The following BRDT variants were observed in gnomAD, a reference collection of about 807,000 sequenced individuals.
BRDT encodes bromodomain testis associated.
A neutral mutation model predicts 113.9 loss-of-function variants in BRDT; 77 were observed. That is an observed-to-expected ratio of 0.68 (90% CI 0.56 to 0.82). The LOEUF (loss-of-function observed/expected upper bound fraction) is 0.82. Ranked by LOEUF, BRDT falls within the 40% of genes least tolerant of loss-of-function variation. The pLI is 0.00. For missense variants in BRDT, 1,027 were observed against 1,105.4 expected, an observed-to-expected ratio of 0.93 and a Z score of 1.01; for synonymous variants, 358 against 366.5, an observed-to-expected ratio of 0.98 and a Z score of 0.26.
intron 1 of BRDT, among the ~76,000 whole-genome samples, chr1:91,954,287 T>C (rs964064808): frequency 3.4e-5 from 5 of 147,744 alleles, no homozygotes; most frequent in Non-Finnish European, 7.5e-5. Flanking sequence ...TTTTTTTTTT[T>C]TTTTTTTTTT....
intron 18 of BRDT, among the ~76,000 whole-genome samples, chr1:92,010,219 T>C (rs942653549): frequency 3.3e-5 from 5 of 151,986 alleles, no homozygotes; most frequent in Non-Finnish European, 7.4e-5. Flanking sequence ...CAATTATTTA[T>C]GTATTAGACC....
intron 18 of BRDT, among the ~76,000 whole-genome samples, chr1:92,011,131 G>T (rs1687764632): frequency 6.6e-6 from 1 of 152,120 alleles, no homozygotes. Context: ...TAATTTTCTA[G>T]GGAATAACAA....
intron 1 of BRDT, among the ~76,000 whole-genome samples, chr1:91,956,126 C>T (rs12239668): frequency 1.3e-5 from 2 of 152,234 alleles, no homozygotes; most frequent in African/African-American, 4.8e-5. Context: ...TCCTGTATAC[C>T]TTGCTATTAC....
In BRDT at chr1:91,964,475, G is replaced by A. The variant is rs187650657; in HGVS notation, c.193-152G>A. ...CCTCCCGAAGTGCGGGACTACAGGCGTGAGCCACTGTGCCCAGCCAGAATA... is the reference window on the plus strand; with the variant it reads ...CCTCCCGAAGTGCGGGACTACAGGCATGAGCCACTGTGCCCAGCCAGAATA... On this transcript the variant is annotated intron_variant, in intron 2 of 18. Transcript: ENST00000399546. 5.3e-5 allele frequency: 24 copies of A among 455,138 alleles called. No homozygotes were observed. In the East Asian group the frequency reaches 5.4e-4, roughly 10 times the overall value. The allele number at this position is 455,138 out of a possible 1,614,324, so 28.2% of individuals were successfully genotyped here. A position where few individuals can be genotyped will look rare whatever the true frequency, so the allele number is the denominator to read the frequency against.
intron 18 of BRDT, among the ~76,000 whole-genome samples, chr1:92,008,161 A>G (rs1330697605): frequency 1.3e-5 from 2 of 152,024 alleles, no homozygotes; most frequent in African/African-American, 4.8e-5. Flanking sequence ...CAGGTGATCC[A>G]CCCACCTCGG....
chr1:91,960,892 G>T (rs1329370741), intron 1 of BRDT, among the ~76,000 whole-genome samples: 1 of 152,172 alleles, frequency 6.6e-6, no homozygotes, highest in Non-Finnish European at 1.5e-5. Context: ...TTAAAGTAAT[G>T]ATGCTGTCTA....
chr1:91,954,802 A>C (rs1006885585), intron 1 of BRDT, among the ~76,000 whole-genome samples: 9 of 150,066 alleles, frequency 6.0e-5, no homozygotes, highest in Non-Finnish European at 8.9e-5. Context: ...TCTACTAAAA[A>C]AATTAAAAAA....
At chr1:91,998,194 A>G (rs914222339) in intron 15 of BRDT, among the ~76,000 whole-genome samples, 9 of 152,170 alleles carry the variant, frequency 5.9e-5, no homozygotes, top group Non-Finnish European at 8.8e-5. Context: ...GGATGAGTTC[A>G]TGTCCTTTGC....
chr1:91,980,572 G>A, intron 8 of BRDT, 71 bp from the exon 9 acceptor site: 1 of 1,288,750 alleles, frequency 7.8e-7, no homozygotes, highest in Non-Finnish European at 1.0e-6. Flanking sequence ...CTTTGGAGTG[G>A]CTTGATTTTT....
intron 3 of BRDT, among the ~76,000 whole-genome samples, 164 bp downstream of exon 3, chr1:91,964,928 G>A (rs1439519145): frequency 2.0e-5 from 2 of 98,900 alleles, no homozygotes; most frequent in African/African-American, 8.7e-5. Flanking sequence ...TTTTTTTTTT[G>A]AGATGGAGTC....
intron 18 of BRDT, 142 bp from the exon 19 acceptor site, chr1:92,014,064 C>A: frequency 1.8e-6 from 1 of 544,890 alleles, no homozygotes; most frequent in Non-Finnish European, 3.2e-6. Flanking sequence ...ATTGTTCAAC[C>A]TGAGAAAATA....
intron 12 of BRDT, among the ~76,000 whole-genome samples, chr1:91,985,198 G>A (rs1041476200): frequency 6.6e-6 from 1 of 151,912 alleles, no homozygotes; most frequent in Non-Finnish European, 1.5e-5. Flanking sequence ...CGAGTAGCTG[G>A]GACTACAGGA....
chr1:92,009,673 C>T lies in BRDT; in HGVS notation c.2775+4374C>T, dbSNP rs990869822. Among the ~76,000 whole-genome samples, 5 of 151,838 alleles carry T rather than the reference C, an allele frequency of 3.3e-5. No homozygotes were observed. In the East Asian group the frequency reaches 9.7e-4, roughly 29 times the overall value. ...CAAGCGATCCTCCTACCCCAACCCCCCAGTAGCTGGGACCACAGGCATGCA... is the reference window on the plus strand; with the variant it reads ...CAAGCGATCCTCCTACCCCAACCCCTCAGTAGCTGGGACCACAGGCATGCA... On this transcript the variant is annotated intron_variant, in intron 18 of 18. Coordinates refer to ENST00000399546, the MANE Select transcript of BRDT (RefSeq NM_207189.4).
intron 18 of BRDT, among the ~76,000 whole-genome samples, chr1:92,013,779 T>C (rs928761424): frequency 3.3e-5 from 5 of 152,228 alleles, no homozygotes; most frequent in African/African-American, 1.2e-4. Flanking sequence ...TAGCATTACA[T>C]ATTATAGTTA....
intron 12 of BRDT, among the ~76,000 whole-genome samples, chr1:91,983,497 A>G (rs1041323764): frequency 2.6e-5 from 4 of 151,782 alleles, no homozygotes; most frequent in African/African-American, 7.3e-5. Flanking sequence ...CTTGTGATCC[A>G]CCCACCTCGG....
chr1:92,009,564 T>TTC (rs1553198807), intron 18 of BRDT, among the ~76,000 whole-genome samples: 1 of 146,206 alleles, frequency 6.8e-6, no homozygotes, highest in African/African-American at 2.5e-5. Context: ...TTTTTTTTTT[T>TTC]CTCTTGACAC....
At chr1:91,999,871 G>A (rs531040407) in intron 15 of BRDT, among the ~76,000 whole-genome samples, 3 of 152,226 alleles carry the variant, frequency 2.0e-5, no homozygotes, top group African/African-American at 4.8e-5. Flanking sequence ...CCCCCTTTTA[G>A]TCCTCAGATT....
chr1:91,968,050 C>A, intron 3 of BRDT, 96 bp from the exon 4 acceptor site: 1 of 1,240,194 alleles, frequency 8.1e-7, no homozygotes, highest in Non-Finnish European at 1.1e-6. Flanking sequence ...TCTAGGAGTA[C>A]TATGTTACTG....
chr1:91,980,586 TAG>T lies in BRDT; in HGVS notation c.1288-56_1288-55del. 5.3e-6 allele frequency: 7 copies of T among 1,327,780 alleles called. No individual in the cohort carries two copies. The Admixed American group carries it at 1.5e-4, about 28-fold the overall frequency. 82.2% of individuals were successfully genotyped at this position (1,327,780 alleles called of 1,614,324 possible). On this transcript the variant is annotated intron_variant, in intron 8 of 18. Transcript: ENST00000399546. ...ACTTTGGAGTGGCTTGATTTTTTTC[TAG>T]TTTCTTTAATTATTTAGAGACATGA...
Sources: gnomAD v4.1 joint callset for allele counts (sites outside exome capture counted in the v4.1 genomes callset) on GRCh38, gnomAD v4.1.1 for gene constraint, MANE v1.5 for transcripts, NCBI Gene and HGNC (gene_info 2026-07-23, HGNC 2026-07-21) for gene names.